Variants in CSDE1 observed in about 807,000 individuals in gnomAD.
CSDE1 encodes cold shock domain-containing protein E1.
CSDE1 carries 17 observed loss-of-function variants against 89.3 expected under a neutral mutation model. The observed-to-expected ratio is 0.19, with a 90% CI of 0.13 to 0.29. The LOEUF (loss-of-function observed/expected upper bound fraction) is 0.29, where lower values mean the gene tolerates loss of function less well. Among genes scored for constraint, CSDE1 ranks in the 10% least tolerant of loss-of-function variants. The pLI is 1.00. For synonymous variants in CSDE1, 322 were observed against 332.8 expected, an observed-to-expected ratio of 0.97 and a Z score of 0.35; for missense variants, 672 against 984.2, an observed-to-expected ratio of 0.68 and a Z score of 4.24.
chr1:114,726,109 GAACCTC>G, intron 14 of CSDE1, 96 bp downstream of exon 14: 1 of 1,165,128 alleles, frequency 8.6e-7, no homozygotes, highest in Non-Finnish European at 1.2e-6. Flanking sequence ...TATGAAATCT[GAACCTC>G]AACAAGTATA....
At chr1:114,729,395 G>A (rs1157844232) in intron 12 of CSDE1, among the ~76,000 whole-genome samples, 1 of 151,316 alleles carries the variant, frequency 6.6e-6, no homozygotes, top group African/African-American at 2.4e-5. Flanking sequence ...CACCGCACCT[G>A]ACAATAAGGT....
At chr1:114,740,139 TC>T (rs1660642042) in intron 2 of CSDE1, among the ~76,000 whole-genome samples, 1 of 152,188 alleles carries the variant, frequency 6.6e-6, no homozygotes, top group African/African-American at 2.4e-5. Flanking sequence ...AAATAGAATT[TC>T]TGGGGTTTAA....
intron 12 of CSDE1, among the ~76,000 whole-genome samples, chr1:114,729,293 G>T (rs527683348): frequency 6.6e-6 from 1 of 151,782 alleles, no homozygotes; most frequent in African/African-American, 2.4e-5. Flanking sequence ...TAGAGATGGG[G>T]TTTCACCATG....
In CSDE1 at chr1:114,730,410, CAG is replaced by C; in HGVS notation, c.1202_1203del (p.Ser401CysfsTer8). Reference sequence around the variant, plus strand: ...ATCCTAATAGCATGATTTCTTTGAGCAGAGAGCATATCCTAAAAATGATAAAA... The same window carrying C: ...ATCCTAATAGCATGATTTCTTTGAGCAGAGCATATCCTAAAAATGATAAAA... Reference protein sequence around the residue: ...VEFTVVPDMLSAQRNHAIRIK... With the variant: ...VEFTVVPDMLXAQRNHAIRIK... On this transcript the variant is annotated frameshift_variant, in exon 12 of 20. Transcript: ENST00000358528. LOFTEE classifies it high-confidence loss of function. 1 of 1,613,684 alleles carries C rather than the reference CAG, an allele frequency of 6.2e-7. No homozygotes were observed. The highest frequency in any genetic ancestry group is 8.5e-7 in the Non-Finnish European group (1 of 1,179,930).
intron 15 of CSDE1, among the ~76,000 whole-genome samples, chr1:114,724,539 AGAG>A (rs1423942915): frequency 6.6e-6 from 1 of 152,220 alleles, no homozygotes; most frequent in East Asian, 1.9e-4. Context: ...CACACACTTA[AGAG>A]TTCAGATGAG....
chr1:114,733,894 A>G, intron 8 of CSDE1, 37 bp from the exon 9 acceptor site: 1 of 1,609,942 alleles, frequency 6.2e-7, no homozygotes. Context: ...GGGGGGACAG[A>G]GGAAGGAAGA....
At chr1:114,725,387 A>G in intron 14 of CSDE1, 54 bp from the exon 15 acceptor site, 1 of 1,325,400 alleles carries the variant, frequency 7.5e-7, no homozygotes, top group Non-Finnish European at 1.1e-6. Flanking sequence ...CATCAACAGT[A>G]ACAGGCAGTC....
rs1659284382 is a variant in CSDE1 at position 114,718,029 on chromosome 1, G to A, written c.*140C>T. On this transcript the variant is annotated 3_prime_UTR_variant, in exon 20 of 20. Transcript: ENST00000358528. ...ATTTTTTTAAACATAACACGAGGAA[G>A]GTGTTAAAACTGGTGTAATAGCTCA... 1 of 732,380 alleles carries A rather than the reference G, an allele frequency of 1.4e-6. No homozygotes were observed. The highest frequency in any genetic ancestry group is 2.5e-5 in the Admixed American group (1 of 39,294). The allele number at this position is 732,380 out of a possible 1,614,324, so 45.4% of individuals were successfully genotyped here.
intron 2 of CSDE1, among the ~76,000 whole-genome samples, chr1:114,740,996 G>A (rs1296252420): frequency 6.6e-6 from 1 of 152,180 alleles, no homozygotes; most frequent in Non-Finnish European, 1.5e-5. Context: ...ATGTGTGATG[G>A]TCAAATCACG....
chr1:114,727,183 G>A, intron 12 of CSDE1, 93 bp from the exon 13 acceptor site: 1 of 831,208 alleles, frequency 1.2e-6, no homozygotes, highest in Non-Finnish European at 2.0e-6. Flanking sequence ...TTGTGCCAAA[G>A]GATTGGTACA....
intron 1 of CSDE1, among the ~76,000 whole-genome samples, chr1:114,757,592 C>T (rs1028832320): frequency 3.3e-5 from 5 of 152,088 alleles, no homozygotes; most frequent in Non-Finnish European, 7.4e-5. Context: ...CCTCCGCGCC[C>T]GAGCCCCGCA....
intron 2 of CSDE1, among the ~76,000 whole-genome samples, chr1:114,749,372 T>A (rs1170161683): frequency 3.3e-5 from 5 of 152,238 alleles, no homozygotes. Context: ...ATGTGCACTG[T>A]ATACCGTTCA....
rs1371796522 is a variant in CSDE1, at chr1:114,738,085, A to C, written c.200-13T>G. On this transcript the variant is annotated splice_polypyrimidine_tract_variant and intron_variant, in intron 3 of 19. Coordinates refer to ENST00000358528, the MANE Select transcript of CSDE1 (RefSeq NM_001007553.3). ...AATTCAACATCATCTAAAAATAAATAATGTGTTATGTTTGTTGAACTGATT... is the reference window on the plus strand; with the variant it reads ...AATTCAACATCATCTAAAAATAAATCATGTGTTATGTTTGTTGAACTGATT... The C allele has an allele frequency of 1.9e-6, 3 of 1,592,050 alleles. No homozygotes were observed. Among genetic ancestry groups the C allele is most frequent in the Non-Finnish European group, 2.6e-6 (3 of 1,160,008 alleles).
At position 114,737,985 on chromosome 1, in the gene CSDE1, G is replaced by A; in HGVS notation, c.287C>T (p.Pro96Leu). 6.2e-7 allele frequency: 1 copy of A among 1,613,270 alleles called. No individual in the cohort carries two copies. The highest frequency in any genetic ancestry group is 8.5e-7 in the Non-Finnish European group (1 of 1,179,218). Reference sequence around the variant, plus strand: ...AACTTGTCCATTCATTCGTTCTTCAGGGAGGATTTCTTGTTTTATCTTCAC... The same window carrying A: ...AACTTGTCCATTCATTCGTTCTTCAAGGAGGATTTCTTGTTTTATCTTCAC... ...KLVKIKQEIL[P>L]EERMNGQVVC... The change falls in exon 4 of 20, where the codon CCT becomes CTT. Residue 96 changes from proline (P) to leucine (L), a missense_variant. Coordinates refer to ENST00000358528, the MANE Select transcript of CSDE1 (RefSeq NM_001007553.3).
chr1:114,721,627 G>A (rs1330331193), intron 16 of CSDE1, among the ~76,000 whole-genome samples: 1 of 152,166 alleles, frequency 6.6e-6, no homozygotes, highest in Non-Finnish European at 1.5e-5. Context: ...GTCTCGCTCT[G>A]CTACCCAGGC....
chr1:114,735,937 T>A (rs567821262), intron 6 of CSDE1, among the ~76,000 whole-genome samples: 1 of 152,310 alleles, frequency 6.6e-6, no homozygotes, highest in African/African-American at 2.4e-5. Flanking sequence ...ACTGTAGATT[T>A]GATATCTCTA....
At chr1:114,747,336 A>C (rs1489050103) in intron 2 of CSDE1, among the ~76,000 whole-genome samples, 1 of 152,160 alleles carries the variant, frequency 6.6e-6, no homozygotes, top group African/African-American at 2.4e-5. Context: ...CTTTAACTGA[A>C]CTATTTCACA....
chr1:114,757,709 C>G (rs916788118), intron 1 of CSDE1, among the ~76,000 whole-genome samples: 1 of 152,140 alleles, frequency 6.6e-6, no homozygotes, highest in Non-Finnish European at 1.5e-5. Flanking sequence ...GGCCTCAACT[C>G]CTCGTTTCAG....
At chr1:114,728,098 C>G (rs1017045704) in intron 12 of CSDE1, among the ~76,000 whole-genome samples, 1 of 152,166 alleles carries the variant, frequency 6.6e-6, no homozygotes, top group Non-Finnish European at 1.5e-5. Flanking sequence ...TACAACATTA[C>G]CAGGTATTAT....
Sources: allele counts gnomAD v4.1 joint callset (sites outside exome capture counted in the v4.1 genomes callset), GRCh38; gene constraint gnomAD v4.1.1; transcripts MANE v1.5; gene names NCBI Gene and HGNC (gene_info 2026-07-23, HGNC 2026-07-21).